Variants in F13A1 observed in about 807,000 individuals in gnomAD.
F13A1 encodes FSF, A subunit.
F13A1 carries 47 observed loss-of-function variants against 80.1 expected under a neutral mutation model. The ratio of observed to expected loss-of-function variants is 0.59; its 90% CI spans 0.46 to 0.75. The LOEUF is 0.75. Ranked by LOEUF, F13A1 falls within the 30% of genes least tolerant of loss-of-function variation. F13A1 has a pLI of 0.00. For missense variants in F13A1, 817 were observed against 930.4 expected, an observed-to-expected ratio of 0.88 and a Z score of 1.59; for synonymous variants, 349 against 344.9, an observed-to-expected ratio of 1.01 and a Z score of -0.13.
intron 8 of F13A1, among the ~76,000 whole-genome samples, chr6:6,204,252 G>C (rs1007662253): frequency 6.6e-6 from 1 of 152,212 alleles, no homozygotes; most frequent in Non-Finnish European, 1.5e-5. Context: ...CAGAGAAAAG[G>C]AGTTCTTAAA....
intron 2 of F13A1, among the ~76,000 whole-genome samples, chr6:6,316,143 A>ATATATATTTT (rs1758682721): frequency 1.7e-5 from 1 of 57,316 alleles, no homozygotes; most frequent in Non-Finnish European, 3.5e-5. Context: ...ATATATATAT[A>ATATATATTTT]GTTTTTTTCC....
At chr6:6,320,507 G>A in intron 1 of F13A1, 80 bp downstream of exon 1, 1 of 374,712 alleles carries the variant, frequency 2.7e-6, no homozygotes, top group Non-Finnish European at 5.6e-6. Flanking sequence ...CAAGCCGCTT[G>A]CTGGTTCAAC....
intron 4 of F13A1, among the ~76,000 whole-genome samples, chr6:6,257,644 C>A (rs145317514): frequency 6.6e-6 from 1 of 152,222 alleles, no homozygotes; most frequent in African/African-American, 2.4e-5. Context: ...TACTGCCATT[C>A]ATCCATCAAT....
chr6:6,264,368 C>CT (rs772521982), intron 4 of F13A1, among the ~76,000 whole-genome samples: 5 of 152,076 alleles, frequency 3.3e-5, no homozygotes, highest in Non-Finnish European at 7.4e-5. Context: ...CTAGGATTTT[C>CT]TTTTTGTAAT....
intron 3 of F13A1, among the ~76,000 whole-genome samples, chr6:6,304,272 AT>A (rs1222408890): frequency 6.6e-6 from 1 of 152,018 alleles, no homozygotes; most frequent in Non-Finnish European, 1.5e-5. Context: ...TGGATGCTGA[AT>A]TTTACCATGT....
In F13A1 at chr6:6,171,248, T is replaced by C. The variant is rs542884677; in HGVS notation, c.1747+3332A>G. ...CCAAGTTTACCCTGAACTGGCTCACTGTCACTGCTATTATCTGTCTACTCT... is the reference window on the plus strand; with the variant it reads ...CCAAGTTTACCCTGAACTGGCTCACCGTCACTGCTATTATCTGTCTACTCT... On this transcript the variant is annotated intron_variant, in intron 12 of 14. Coordinates refer to ENST00000264870, the MANE Select transcript of F13A1 (RefSeq NM_000129.4). 2.0e-5 allele frequency among the ~76,000 whole-genome samples: 3 copies of C among 152,348 alleles called. No homozygotes were observed. The East Asian group carries it at 5.8e-4, about 29-fold the overall frequency.
intron 8 of F13A1, among the ~76,000 whole-genome samples, chr6:6,198,643 CAT>C (rs1179611530): frequency 6.6e-5 from 10 of 152,180 alleles, no homozygotes; most frequent in Non-Finnish European, 2.9e-5. Flanking sequence ...ATGATCAAAA[CAT>C]AGATTCTTAC....
In F13A1 at chr6:6,305,414, G is replaced by C. The variant is rs1183395316; in HGVS notation, c.256C>G (p.Gln86Glu). Residue 86 changes from glutamine (Q) to glutamate (E), a missense_variant, in exon 3 of 15, where the codon CAG (glutamine) becomes GAG (glutamate). Physicochemically the swap from Gln to Glu is conservative, Grantham distance 29. Coordinates refer to ENST00000264870, the MANE Select transcript of F13A1 (RefSeq NM_000129.4). ...IVRRGQSFYV[Q>E]IDFSRPYDPR... ...TCATATGGACGACTGAAGTCAATCT[G>C]CACATAGAAAGACTGCCCTCTGCGG... 1 of 1,614,218 alleles carries C rather than the reference G, an allele frequency of 6.2e-7. No homozygotes were observed. The highest frequency in any genetic ancestry group is 1.7e-5 in the Admixed American group (1 of 60,036).
chr6:6,220,318 A>G (rs567030194), intron 8 of F13A1, among the ~76,000 whole-genome samples: 1 of 152,342 alleles, frequency 6.6e-6, no homozygotes, highest in East Asian at 1.9e-4. Context: ...AAGGCACCAA[A>G]GGAACAAATG....
chr6:6,211,436 T>C (rs537608929), intron 8 of F13A1, among the ~76,000 whole-genome samples: 4 of 152,346 alleles, frequency 2.6e-5, no homozygotes, highest in South Asian at 4.1e-4. Context: ...CTGTCCAGAA[T>C]TGGCAACTGC....
chr6:6,194,158 TAAC>T (rs1761249318), intron 10 of F13A1, among the ~76,000 whole-genome samples: 1 of 152,122 alleles, frequency 6.6e-6, no homozygotes, highest in Non-Finnish European at 1.5e-5. Flanking sequence ...CACAACTTCA[TAAC>T]AACCCCTCCA....
chr6:6,280,129 G>A (rs1758040546), intron 3 of F13A1, among the ~76,000 whole-genome samples: 1 of 152,032 alleles, frequency 6.6e-6, no homozygotes, highest in African/African-American at 2.4e-5. Flanking sequence ...ACCTACAAGT[G>A]GATATTTACA....
chr6:6,277,031 T>C (rs960363464), intron 3 of F13A1, among the ~76,000 whole-genome samples: 8 of 152,012 alleles, frequency 5.3e-5, no homozygotes, highest in Non-Finnish European at 1.2e-4. Context: ...TGGGAGGTGG[T>C]ACACACCTCA....
intron 4 of F13A1, among the ~76,000 whole-genome samples, chr6:6,251,172 C>T (rs11758380): frequency 6.4e-4 from 98 of 152,292 alleles, no homozygotes; most frequent in Admixed American, 1.2e-3. Context: ...AACTCTGGCT[C>T]TTTAAGTTCC....
At chr6:6,209,752 T>C (rs909692492) in intron 8 of F13A1, among the ~76,000 whole-genome samples, 2 of 152,082 alleles carry the variant, frequency 1.3e-5, no homozygotes, top group Non-Finnish European at 2.9e-5. Context: ...ACACAAAAGG[T>C]CACATATTAC....
At chr6:6,244,287 C>A (rs1757525917) in intron 6 of F13A1, among the ~76,000 whole-genome samples, 1 of 152,200 alleles carries the variant, frequency 6.6e-6, no homozygotes, top group Non-Finnish European at 1.5e-5. Flanking sequence ...AAGAAAGCAG[C>A]AATCAAGCAA....
At chr6:6,280,824 G>C (rs1289800476) in intron 3 of F13A1, among the ~76,000 whole-genome samples, 1 of 152,132 alleles carries the variant, frequency 6.6e-6, no homozygotes, top group African/African-American at 2.4e-5. Flanking sequence ...TTATTTGTGG[G>C]CTTGAAGGGG....
chr6:6,302,901 T>C (rs1225569217), intron 3 of F13A1, among the ~76,000 whole-genome samples: 1 of 152,224 alleles, frequency 6.6e-6, no homozygotes. Context: ...TTTAGTTAAG[T>C]CTGTTAAATT....
chr6:6,201,492 G>C (rs1051996126), intron 8 of F13A1, among the ~76,000 whole-genome samples: 1 of 152,172 alleles, frequency 6.6e-6, no homozygotes, highest in Non-Finnish European at 1.5e-5. Context: ...AAGAGAACGA[G>C]AGGGTGCTAC....
Sources: gnomAD v4.1 joint callset for allele counts (sites outside exome capture counted in the v4.1 genomes callset) on GRCh38, gnomAD v4.1.1 for gene constraint, MANE v1.5 for transcripts, NCBI Gene and HGNC (gene_info 2026-07-23, HGNC 2026-07-21) for gene names.